Variants in PCSK6 observed in about 807,000 individuals in gnomAD.
PCSK6 encodes paired basic amino acid cleaving enzyme 4.
Under a neutral mutation model 123.3 loss-of-function variants are expected in PCSK6, and 85 were observed. That is an observed-to-expected ratio of 0.69 (90% CI 0.58 to 0.83). PCSK6 has a LOEUF of 0.83. PCSK6 is among the 40% of genes least tolerant of loss of function. PCSK6 has a pLI of 0.00. For missense variants in PCSK6, 1,191 were observed against 1,282.3 expected, an observed-to-expected ratio of 0.93 and a Z score of 1.09; for synonymous variants, 508 against 516.0, an observed-to-expected ratio of 0.98 and a Z score of 0.21.
At chr15:101,483,614 T>C (rs563293799) in intron 1 of PCSK6, among the ~76,000 whole-genome samples, 13 of 152,358 alleles carry the variant, frequency 8.5e-5, no homozygotes, top group Admixed American at 1.3e-4. Flanking sequence ...TGTTGTGATT[T>C]GGTATGTGGA....
intron 9 of PCSK6, among the ~76,000 whole-genome samples, chr15:101,385,824 G>A (rs1032465272): frequency 1.3e-5 from 2 of 152,176 alleles, no homozygotes; most frequent in African/African-American, 4.8e-5. Flanking sequence ...TCAAACAGCT[G>A]AGTGAAAAGA....
intron 6 of PCSK6, among the ~76,000 whole-genome samples, chr15:101,423,857 C>T (rs958190305): frequency 1.4e-4 from 22 of 151,898 alleles, no homozygotes; most frequent in African/African-American, 2.2e-4. Flanking sequence ...GGAATTAATA[C>T]GAAGAAAACT....
chr15:101,324,367 C>A (rs961226864), intron 17 of PCSK6, among the ~76,000 whole-genome samples: 1 of 152,254 alleles, frequency 6.6e-6, no homozygotes, highest in Non-Finnish European at 1.5e-5. Context: ...GGCTCTCCCC[C>A]AGCTCTGACC....
chr15:101,377,855 G>A (rs1043519785), intron 11 of PCSK6, among the ~76,000 whole-genome samples: 5 of 152,206 alleles, frequency 3.3e-5, no homozygotes, highest in African/African-American at 2.4e-5. Flanking sequence ...TTAAAAGACA[G>A]GCCAAGCTAA....
intron 20 of PCSK6, chr15:101,308,993 G>C (rs193098935): frequency 4.6e-5 from 7 of 152,490 alleles, no homozygotes; most frequent in Admixed American, 3.3e-4. Flanking sequence ...GCGCTGCGGT[G>C]GACAGCCAGG....
intron 13 of PCSK6, chr15:101,346,657 T>C: frequency 5.0e-6 from 4 of 799,784 alleles, no homozygotes; most frequent in Non-Finnish European, 5.0e-6. Context: ...CAAGCGTACC[T>C]CATTCCTAAA....
At chr15:101,441,954 C>G (rs1334147399) in intron 2 of PCSK6, among the ~76,000 whole-genome samples, 2 of 152,188 alleles carry the variant, frequency 1.3e-5, no homozygotes, top group Admixed American at 1.3e-4. Flanking sequence ...CTCAACCGCA[C>G]AGAACTCACG....
intron 2 of PCSK6, among the ~76,000 whole-genome samples, chr15:101,435,715 A>C (rs1348391592): frequency 6.6e-6 from 1 of 152,226 alleles, no homozygotes; most frequent in African/African-American, 2.4e-5. Flanking sequence ...TGCTTCCTCC[A>C]GCTTCCTTCT....
chr15:101,344,657 T>TA (rs572829928), intron 13 of PCSK6, among the ~76,000 whole-genome samples: 136 of 152,338 alleles, frequency 8.9e-4, no homozygotes, highest in African/African-American at 3.0e-3. Flanking sequence ...TACTTTTTTT[T>TA]AATTTGTATT....
rs372740331 is a variant in PCSK6 at position 101,347,679 on chromosome 15, G to A, written c.1859-15648C>T. ...TCCAAAGGCAGCCAAAGTTCTAAATGTGGTGGCTTTGGTCATCTGTCCCTC... is the reference window on the plus strand; with the variant it reads ...TCCAAAGGCAGCCAAAGTTCTAAATATGGTGGCTTTGGTCATCTGTCCCTC... On this transcript the variant is annotated intron_variant, in intron 13 of 21. Coordinates refer to ENST00000611716, the MANE Select transcript of PCSK6 (RefSeq NM_002570.5). 5.6e-6 allele frequency: 9 copies of A among 1,602,960 alleles called. No individual in the cohort carries two copies. In the African/African-American group the frequency reaches 1.2e-4, roughly 21 times the overall value.
chr15:101,442,310 A>G (rs1183101323), intron 2 of PCSK6, among the ~76,000 whole-genome samples: 1 of 152,190 alleles, frequency 6.6e-6, no homozygotes, highest in African/African-American at 2.4e-5. Context: ...ACTTATCCGT[A>G]TCTATCTATC....
intron 9 of PCSK6, among the ~76,000 whole-genome samples, chr15:101,384,654 T>G (rs891920882): frequency 2.0e-5 from 3 of 152,240 alleles, no homozygotes; most frequent in Non-Finnish European, 2.9e-5. Flanking sequence ...CCAAAATTCA[T>G]AAGCATTAAA....
chr15:101,476,964 T>G (rs941742715), intron 1 of PCSK6, among the ~76,000 whole-genome samples: 1 of 152,070 alleles, frequency 6.6e-6, no homozygotes, highest in Non-Finnish European at 1.5e-5. Context: ...CCAGGGCATG[T>G]GGGGCGGGGA....
At chr15:101,470,033 C>G (rs948520405) in intron 1 of PCSK6, among the ~76,000 whole-genome samples, 1 of 152,172 alleles carries the variant, frequency 6.6e-6, no homozygotes, top group African/African-American at 2.4e-5. Flanking sequence ...TGCAAACATT[C>G]AGTTGTTGGA....
intron 11 of PCSK6, among the ~76,000 whole-genome samples, chr15:101,375,592 T>C (rs1165888778): frequency 6.6e-6 from 1 of 152,250 alleles, no homozygotes; most frequent in Non-Finnish European, 1.5e-5. Context: ...CATTTATTTG[T>C]ATCCCCCAAA....
chr15:101,389,605 A>G (rs1437213350), intron 8 of PCSK6, 41 bp from the exon 9 acceptor site: 3 of 1,505,092 alleles, frequency 2.0e-6, no homozygotes, highest in Middle Eastern at 1.8e-4. Context: ...GATGGCAGAC[A>G]GGCTAACTCA....
At chr15:101,369,189 G>T (rs2041498937) in intron 12 of PCSK6, among the ~76,000 whole-genome samples, 10 of 152,246 alleles carry the variant, frequency 6.6e-5, no homozygotes, top group Admixed American at 6.5e-4. Context: ...CTGCTGGGCA[G>T]TGCTGTGGGG....
chr15:101,480,568 G>A (rs188077280), intron 1 of PCSK6, among the ~76,000 whole-genome samples: 3 of 152,362 alleles, frequency 2.0e-5, no homozygotes, highest in Admixed American at 6.5e-5. Context: ...ACTAGACAGG[G>A]GGCCTTGCGC....
At chr15:101,481,998 G>A (rs2057899147) in intron 1 of PCSK6, among the ~76,000 whole-genome samples, 2 of 152,220 alleles carry the variant, frequency 1.3e-5, no homozygotes, top group Non-Finnish European at 2.9e-5. Flanking sequence ...GCGCGTTCAC[G>A]CACACGCATG....
Sources: allele counts gnomAD v4.1 joint callset (sites outside exome capture counted in the v4.1 genomes callset), GRCh38; gene constraint gnomAD v4.1.1; transcripts MANE v1.5; gene names NCBI Gene and HGNC (gene_info 2026-07-23, HGNC 2026-07-21).